The following HLCS variants were observed in gnomAD, a reference collection of about 807,000 sequenced individuals.
HLCS encodes biotin--protein ligase.
HLCS carries 53 observed loss-of-function variants against 75.0 expected under a neutral mutation model. The observed-to-expected ratio is 0.71, with a 90% CI of 0.57 to 0.89. The LOEUF (loss-of-function observed/expected upper bound fraction) is 0.89. Among genes scored for constraint, HLCS ranks in the 40% least tolerant of loss-of-function variants. HLCS has a pLI of 0.00. For missense variants in HLCS, 966 were observed against 1,074.0 expected (o/e 0.90, Z 1.41); for synonymous variants, 431 against 428.6 (o/e 1.01, Z -0.07).
chr21:36,988,397 CTGTTTTTTATACG>C (rs1243805331), intron 1 of HLCS, among the ~76,000 whole-genome samples: 5 of 152,214 alleles, frequency 3.3e-5, no homozygotes, highest in African/African-American at 1.2e-4. Context: ...ACCTTCCTCA[CTGTTTTTTATACG>C]TGCATTGTGT....
At chr21:36,765,949 A>G (rs1234043076) in intron 7 of HLCS, among the ~76,000 whole-genome samples, 2 of 152,032 alleles carry the variant, frequency 1.3e-5, no homozygotes, top group South Asian at 2.1e-4. Flanking sequence ...GCCCAGCCAC[A>G]CTTTAAATGG....
rs186912698 is a variant in HLCS at position 36,751,969 on chromosome 21, T to A, written c.*2277A>T. On this transcript the variant is annotated 3_prime_UTR_variant, in exon 11 of 11. Coordinates refer to ENST00000674895, the MANE Select transcript of HLCS (RefSeq NM_001352514.2). ...ATTAAGACTTTAAAGCTCCTTGAGA[T>A]CCCAGGTTGCGGGGTGCATAAATGG... 1.3e-5 allele frequency: 2 copies of A among 152,710 alleles called. No individual in the cohort carries two copies. The highest frequency in any genetic ancestry group is 3.9e-4 in the East Asian group (2 of 5,188). 9.5% of individuals were successfully genotyped at this position (152,710 alleles called of 1,614,324 possible).
chr21:36,859,167 C>T (rs2063301972), intron 6 of HLCS, among the ~76,000 whole-genome samples: 2 of 152,174 alleles, frequency 1.3e-5, no homozygotes, highest in African/African-American at 2.4e-5. Context: ...GGATTACAGG[C>T]GTGTGCCACC....
intron 5 of HLCS, among the ~76,000 whole-genome samples, chr21:36,898,854 A>G (rs192877395): frequency 6.6e-6 from 1 of 152,244 alleles, no homozygotes; most frequent in Non-Finnish European, 1.5e-5. Context: ...TGAGCTCAAG[A>G]GTCTGAGACC....
At chr21:36,868,930 C>T (rs2063669506) in intron 6 of HLCS, among the ~76,000 whole-genome samples, 1 of 152,100 alleles carries the variant, frequency 6.6e-6, no homozygotes, top group Non-Finnish European at 1.5e-5. Flanking sequence ...TATAGTACAA[C>T]CTCCCTCTCT....
Position 36,966,425 on chromosome 21 carries a change from G to GGGCCCCCCCCC in HLCS, c.195+18_195+19insGGGGGGGGGCC. The GGGCCCCCCCCC allele has an allele frequency of 5.3e-4, 104 of 195,418 alleles. No individual in the cohort carries two copies. The highest frequency in any genetic ancestry group is 2.5e-3 in the Middle Eastern group (1 of 402). 12.1% of individuals were successfully genotyped at this position (195,418 alleles called of 1,614,324 possible). On this transcript the variant is annotated intron_variant, in intron 1 of 10. Coordinates refer to ENST00000674895, the MANE Select transcript of HLCS (RefSeq NM_001352514.2). ...CCGGCTCGCGGGGCCCGGGTCGCCC[G>GGGCCCCCCCCC]CCCGCCCGACCCGCCCACCTGGCTG...
At chr21:36,790,271 G>C (rs1166881245) in intron 6 of HLCS, among the ~76,000 whole-genome samples, 2 of 152,092 alleles carry the variant, frequency 1.3e-5, no homozygotes, top group South Asian at 2.1e-4. Context: ...GGGTGTGGTG[G>C]GGTGCACCTG....
At chr21:36,966,825 G>GGGCGGGGGGGGGGGGGA (rs2068625603), upstream of HLCS, among the ~76,000 whole-genome samples, 1 of 147,190 alleles carries the variant, frequency 6.8e-6, no homozygotes, top group African/African-American at 2.5e-5. Flanking sequence ...AGGGGCGGGG[G>GGGCGGGGGGGGGGGGGA]GGGGTGAGGC....
chr21:36,946,666 G>A (rs2067412518), intron 2 of HLCS, among the ~76,000 whole-genome samples: 1 of 152,080 alleles, frequency 6.6e-6, no homozygotes, highest in South Asian at 2.1e-4. Flanking sequence ...CGTTTGAGGG[G>A]AAAAGAATAA....
intron 1 of HLCS, among the ~76,000 whole-genome samples, chr21:36,975,667 G>A (rs1601932740): frequency 6.6e-6 from 1 of 152,130 alleles, no homozygotes; most frequent in East Asian, 1.9e-4. Flanking sequence ...CAGCTACTTG[G>A]GAGGCTGAGG....
At chr21:36,967,654 A>C (rs1026833656), upstream of HLCS, among the ~76,000 whole-genome samples, 1 of 152,256 alleles carries the variant, frequency 6.6e-6, no homozygotes, top group Non-Finnish European at 1.5e-5. Context: ...GCCCTCGCTG[A>C]AAATAGGTGG....
intron 6 of HLCS, among the ~76,000 whole-genome samples, chr21:36,841,767 T>C (rs1045478849): frequency 6.6e-6 from 1 of 152,234 alleles, no homozygotes; most frequent in South Asian, 2.1e-4. Flanking sequence ...GTTCCTCAAC[T>C]GGCTGGGCTC....
chr21:36,792,160 G>T (rs907123665), intron 6 of HLCS, among the ~76,000 whole-genome samples: 1 of 151,978 alleles, frequency 6.6e-6, no homozygotes. Flanking sequence ...CATTAACCAG[G>T]TGCCAATAGT....
At chr21:36,983,117 C>T (rs1163831990) in intron 1 of HLCS, among the ~76,000 whole-genome samples, 1 of 152,192 alleles carries the variant, frequency 6.6e-6, no homozygotes. Context: ...GAATCCTGGG[C>T]ACAACAGCAT....
At position 36,751,146 on chromosome 21, in the gene HLCS, C is replaced by T. The variant is rs2089351760; in HGVS notation, c.*3100G>A. 6.6e-6 allele frequency: 1 copy of T among 152,450 alleles called. No homozygotes were observed. Among genetic ancestry groups the T allele is most frequent in the Non-Finnish European group, 1.5e-5 (1 of 68,012 alleles). 9.4% of individuals were successfully genotyped at this position (152,450 alleles called of 1,614,324 possible). A position where few individuals can be genotyped will look rare whatever the true frequency, so the allele number is the denominator to read the frequency against. On this transcript the variant is annotated 3_prime_UTR_variant, in exon 11 of 11. Coordinates refer to ENST00000674895, the MANE Select transcript of HLCS (RefSeq NM_001352514.2). ...AAAATACTGTAACCCAAAGTAGTTG[C>T]CTACTTTTAAAAATGAAACTTGTAA...
At chr21:36,785,022 C>G (rs76103036) in intron 6 of HLCS, among the ~76,000 whole-genome samples, 1 of 152,132 alleles carries the variant, frequency 6.6e-6, no homozygotes, top group Non-Finnish European at 1.5e-5. Flanking sequence ...CAGCTCCACC[C>G]GGCCACTTGG....
intron 6 of HLCS, among the ~76,000 whole-genome samples, chr21:36,785,295 C>A (rs7276860): frequency 0.014 from 2,080 of 152,268 alleles, 60 homozygotes; most frequent in African/African-American, 0.047. Context: ...GGACAAGGGG[C>A]CTCTTTCTTT....
chr21:36,908,052 G>C (rs1289960452), intron 5 of HLCS, among the ~76,000 whole-genome samples: 2 of 150,306 alleles, frequency 1.3e-5, no homozygotes, highest in African/African-American at 4.9e-5. Context: ...CTGAACAACA[G>C]AGCAAGACCC....
chr21:36,955,859 G>A (rs2146628980), intron 2 of HLCS, among the ~76,000 whole-genome samples: 1 of 152,190 alleles, frequency 6.6e-6, no homozygotes, highest in Admixed American at 6.5e-5. Context: ...CTTTTATACT[G>A]TATCTTTACT....
Sources: gnomAD v4.1 joint callset for allele counts (sites outside exome capture counted in the v4.1 genomes callset) on GRCh38, gnomAD v4.1.1 for gene constraint, MANE v1.5 for transcripts, NCBI Gene and HGNC (gene_info 2026-07-23, HGNC 2026-07-21) for gene names.